Variants in MACROD2 observed in about 807,000 individuals in gnomAD.
The protein encoded by MACROD2 is mono-ADP ribosylhydrolase 2, also known as ADP-ribose glycohydrolase MACROD2.
MACROD2 carries 36 observed loss-of-function variants against 70.4 expected under a neutral mutation model. That is an observed-to-expected ratio of 0.51 (90% confidence interval 0.39 to 0.68). The LOEUF is 0.68. Ranked by LOEUF, MACROD2 falls within the 30% of genes least tolerant of loss-of-function variation. MACROD2 has a pLI of 0.00. For synonymous variants in MACROD2, 172 were observed against 178.8 expected (o/e 0.96, Z 0.30); for missense variants, 496 against 538.4 (o/e 0.92, Z 0.78).
intron 6 of MACROD2, among the ~76,000 whole-genome samples, chr20:15,417,177 G>A (rs1313435717): frequency 6.6e-6 from 1 of 152,122 alleles, no homozygotes; most frequent in Non-Finnish European, 1.5e-5. Flanking sequence ...GCTCATCCCA[G>A]GGAAGAGAGA....
chr20:15,990,313 T>C (rs2066540690), intron 15 of MACROD2, among the ~76,000 whole-genome samples: 1 of 152,184 alleles, frequency 6.6e-6, no homozygotes, highest in Non-Finnish European at 1.5e-5. Context: ...TGTTTTAGTA[T>C]AAAATATAAA....
chr20:14,061,868 T>C (rs2053694808), intron 2 of MACROD2, among the ~76,000 whole-genome samples: 1 of 152,176 alleles, frequency 6.6e-6, no homozygotes, highest in South Asian at 2.1e-4. Context: ...AAAATTATGT[T>C]AGTGAACTTA....
At chr20:15,611,293 A>G (rs2048966024) in intron 8 of MACROD2, among the ~76,000 whole-genome samples, 1 of 152,066 alleles carries the variant, frequency 6.6e-6, no homozygotes, top group African/African-American at 2.4e-5. Context: ...CTCCCCCAAA[A>G]AATGCCCAAA....
chr20:16,046,442 C>A (rs563885106), intron 17 of MACROD2, among the ~76,000 whole-genome samples: 130 of 151,620 alleles, frequency 8.6e-4, no homozygotes, highest in Non-Finnish European at 1.3e-3. Flanking sequence ...TAAACTTGAA[C>A]AATTTAAATG....
At chr20:14,730,680 G>T (rs1254631346) in intron 5 of MACROD2, among the ~76,000 whole-genome samples, 2 of 151,964 alleles carry the variant, frequency 1.3e-5, no homozygotes, top group Non-Finnish European at 2.9e-5. Context: ...AAAATAAATA[G>T]CGAGAAAAGA....
chr20:15,517,076 T>C (rs185805437), intron 8 of MACROD2, among the ~76,000 whole-genome samples: 1 of 152,310 alleles, frequency 6.6e-6, no homozygotes, highest in East Asian at 1.9e-4. Context: ...CTTTTGTATT[T>C]TTATTTATTT....
intron 6 of MACROD2, among the ~76,000 whole-genome samples, chr20:15,342,058 A>G (rs1317218815): frequency 6.6e-6 from 1 of 152,192 alleles, no homozygotes; most frequent in Admixed American, 6.6e-5. Flanking sequence ...TGCCCCTGAA[A>G]AAAACCCAGT....
In MACROD2 at chr20:15,925,863, C is replaced by T. The variant is rs116636910; in HGVS notation, c.776-7413C>T. Reference sequence around the variant, plus strand: ...CACAATGATAGAGATAGGGCTGACACGATTGTCTTGTCTGTCCTAATGGTT... The same window carrying T: ...CACAATGATAGAGATAGGGCTGACATGATTGTCTTGTCTGTCCTAATGGTT... On this transcript the variant is annotated intron_variant, in intron 10 of 17. Transcript: ENST00000684519. Among the ~76,000 whole-genome samples the T allele has an allele frequency of 4.4e-3, 666 of 152,280 alleles. 5 individuals carry two copies. Among genetic ancestry groups the T allele is most frequent in the African/African-American group, 0.015 (619 of 41,572 alleles).
chr20:14,643,186 TC>T (rs1985189194), intron 4 of MACROD2, among the ~76,000 whole-genome samples: 1 of 152,070 alleles, frequency 6.6e-6, no homozygotes. Context: ...CAATGTCATA[TC>T]CCCCTCCATC....
intron 4 of MACROD2, among the ~76,000 whole-genome samples, chr20:14,632,871 G>C (rs886070113): frequency 6.6e-6 from 1 of 152,178 alleles, no homozygotes; most frequent in South Asian, 2.1e-4. Flanking sequence ...GGCATATATT[G>C]AAAGTTCTCA....
At chr20:15,138,697 G>T (rs1313115030) in intron 5 of MACROD2, among the ~76,000 whole-genome samples, 1 of 152,082 alleles carries the variant, frequency 6.6e-6, no homozygotes, top group East Asian at 1.9e-4. Flanking sequence ...TGTAGAGTGT[G>T]GTATTAAAGT....
intron 5 of MACROD2, among the ~76,000 whole-genome samples, chr20:15,134,008 G>T (rs533888848): frequency 6.8e-6 from 1 of 146,194 alleles, no homozygotes; most frequent in Non-Finnish European, 1.5e-5. Flanking sequence ...CCCGGGTCAC[G>T]CCATTCTCCT....
Position 14,868,957 on chromosome 20 carries a change from G to A in MACROD2, c.418+183998G>A, listed in dbSNP as rs555100920. Among the ~76,000 whole-genome samples the A allele has an allele frequency of 3.7e-4, 57 of 152,218 alleles. 1 individual carries two copies. Among genetic ancestry groups the A allele is most frequent in the Middle Eastern group, 3.4e-3 (1 of 294 alleles). On this transcript the variant is annotated intron_variant, in intron 5 of 17. Transcript: ENST00000684519. Reference sequence around the variant, plus strand: ...TGATACAGGACCAGCTATGTAAGCCGGAGGGCACAGTGCAAAATTAAAATG... The same window carrying A: ...TGATACAGGACCAGCTATGTAAGCCAGAGGGCACAGTGCAAAATTAAAATG...
At chr20:14,034,803 T>C (rs2053288290) in intron 2 of MACROD2, among the ~76,000 whole-genome samples, 1 of 152,208 alleles carries the variant, frequency 6.6e-6, no homozygotes, top group Admixed American at 6.5e-5. Flanking sequence ...TTTAAAAAAA[T>C]GTTTTTTCTT....
intron 15 of MACROD2, among the ~76,000 whole-genome samples, chr20:16,036,823 A>G (rs1166523562): frequency 2.6e-5 from 4 of 151,984 alleles, no homozygotes; most frequent in Non-Finnish European, 4.4e-5. Context: ...ACGCACATGC[A>G]AATTCACATA....
At chr20:15,933,213 C>A in intron 10 of MACROD2, 63 bp from the exon 11 acceptor site, 1 of 1,493,994 alleles carries the variant, frequency 6.7e-7, no homozygotes, top group South Asian at 1.1e-5. Flanking sequence ...GCATATTAGC[C>A]GTAAAGAGAT....
At chr20:14,594,978 G>T (rs1982025307) in intron 4 of MACROD2, among the ~76,000 whole-genome samples, 1 of 152,076 alleles carries the variant, frequency 6.6e-6, no homozygotes, top group African/African-American at 2.4e-5. Context: ...CACTTTTCCT[G>T]TCTTTTTTTC....
intron 4 of MACROD2, among the ~76,000 whole-genome samples, chr20:14,568,451 ATTG>A (rs1325418731): frequency 1.3e-5 from 2 of 151,844 alleles, no homozygotes; most frequent in Non-Finnish European, 2.9e-5. Flanking sequence ...CATCCTTCTT[ATTG>A]TTCTATTTGT....
intron 3 of MACROD2, among the ~76,000 whole-genome samples, chr20:14,270,086 T>G (rs920909669): frequency 3.3e-5 from 5 of 152,192 alleles, no homozygotes; most frequent in Admixed American, 2.6e-4. Context: ...TTTGGTATTG[T>G]CTGTTTTTTT....
Sources: allele counts gnomAD v4.1 joint callset (sites outside exome capture counted in the v4.1 genomes callset), GRCh38; gene constraint gnomAD v4.1.1; transcripts MANE v1.5; gene names NCBI Gene and HGNC (gene_info 2026-07-23, HGNC 2026-07-21).